Variants in KCNMB2 observed in about 807,000 individuals in gnomAD.
The protein encoded by KCNMB2 is potassium calcium-activated channel subfamily M regulatory beta subunit 2, also known as calcium-activated potassium channel subunit beta-2.
Under a neutral mutation model 24.5 loss-of-function variants are expected in KCNMB2, and 9 were observed. The ratio of observed to expected loss-of-function variants is 0.37; its 90% confidence interval spans 0.22 to 0.64. KCNMB2 has a LOEUF of 0.64. KCNMB2 is among the 30% of genes least tolerant of loss of function. The pLI is 0.63. For synonymous variants in KCNMB2, 109 were observed against 104.4 expected, an observed-to-expected ratio of 1.04 and a Z score of -0.27; for missense variants, 226 against 284.3, an observed-to-expected ratio of 0.79 and a Z score of 1.47.
At chr3:178,696,299 T>C (rs1029214954) in intron 1 of KCNMB2, among the ~76,000 whole-genome samples, 3 of 152,162 alleles carry the variant, frequency 2.0e-5, no homozygotes, top group African/African-American at 7.2e-5. Context: ...AAGATGAGAT[T>C]TGAGTGGGGA....
intron 1 of KCNMB2, among the ~76,000 whole-genome samples, chr3:178,637,659 C>A (rs1328539440): frequency 6.6e-6 from 1 of 152,152 alleles, no homozygotes; most frequent in African/African-American, 2.4e-5. Flanking sequence ...GAAGGTCATA[C>A]AGGGATAGAT....
At chr3:178,820,640 T>C (rs1405714656) in intron 2 of KCNMB2, 2 of 152,686 alleles carry the variant, frequency 1.3e-5, no homozygotes, top group Non-Finnish European at 2.9e-5. Flanking sequence ...TTATGAATTA[T>C]GGGCTGACCC....
intron 1 of KCNMB2, among the ~76,000 whole-genome samples, chr3:178,666,772 A>T (rs950280796): frequency 6.6e-6 from 1 of 152,166 alleles, no homozygotes; most frequent in African/African-American, 2.4e-5. Flanking sequence ...TTGCTGTCCC[A>T]ATTACCACCC....
At chr3:178,640,650 A>G (rs138976011) in intron 1 of KCNMB2, among the ~76,000 whole-genome samples, 2,598 of 152,252 alleles carry the variant, frequency 0.017, 29 homozygotes, top group South Asian at 0.032. Flanking sequence ...TAATTATTTG[A>G]CAACCAAAAA....
At chr3:178,747,621 C>A (rs1275474787) in intron 1 of KCNMB2, among the ~76,000 whole-genome samples, 1 of 152,174 alleles carries the variant, frequency 6.6e-6, no homozygotes, top group Non-Finnish European at 1.5e-5. Flanking sequence ...GAATCTACAT[C>A]CATTTCACTC....
chr3:178,566,778 C>T (rs1716538329), intron 1 of KCNMB2, among the ~76,000 whole-genome samples: 2 of 152,146 alleles, frequency 1.3e-5, no homozygotes, highest in Non-Finnish European at 2.9e-5. Context: ...ATTGATTTTA[C>T]TAAGGATACA....
chr3:178,791,245 T>C (rs1230252503), intron 1 of KCNMB2, among the ~76,000 whole-genome samples: 1 of 152,194 alleles, frequency 6.6e-6, no homozygotes, highest in African/African-American at 2.4e-5. Context: ...GAGAAGGAAT[T>C]CAAAATCCTA....
chr3:178,728,244 G>A (rs748749577), intron 1 of KCNMB2, among the ~76,000 whole-genome samples: 1 of 152,068 alleles, frequency 6.6e-6, no homozygotes, highest in Admixed American at 6.6e-5. Context: ...ATAAAGATGG[G>A]TGGCTTCACC....
chr3:178,569,473 A>C (rs1716692126), intron 1 of KCNMB2, among the ~76,000 whole-genome samples: 1 of 152,198 alleles, frequency 6.6e-6, no homozygotes, highest in Non-Finnish European at 1.5e-5. Flanking sequence ...ATGTAGAAGA[A>C]ACAAAATAAT....
chr3:178,806,064 G>A (rs985051569), intron 1 of KCNMB2, among the ~76,000 whole-genome samples: 15 of 152,178 alleles, frequency 9.9e-5, no homozygotes, highest in African/African-American at 3.6e-4. Context: ...AGGAGTTTGA[G>A]GCTGCAGTGA....
intron 1 of KCNMB2, among the ~76,000 whole-genome samples, chr3:178,585,290 A>G (rs1446958007): frequency 6.6e-6 from 1 of 152,224 alleles, no homozygotes; most frequent in Non-Finnish European, 1.5e-5. Context: ...CACATGATGC[A>G]TGATGAAATT....
At chr3:178,760,507 C>CGTGTGT (rs34063119) in intron 1 of KCNMB2, among the ~76,000 whole-genome samples, 31 of 117,438 alleles carry the variant, frequency 2.6e-4, no homozygotes, top group African/African-American at 9.5e-4. Flanking sequence ...CCAAGAGTTT[C>CGTGTGT]GTGTGTGTGT....
intron 1 of KCNMB2, among the ~76,000 whole-genome samples, chr3:178,720,497 G>C (rs1465998112): frequency 9.1e-6 from 1 of 109,916 alleles, no homozygotes; most frequent in Non-Finnish European, 1.8e-5. Flanking sequence ...TATATACCCA[G>C]TAACGGGATG....
intron 2 of KCNMB2, among the ~76,000 whole-genome samples, chr3:178,822,186 A>G (rs905377797): frequency 3.9e-5 from 6 of 152,230 alleles, no homozygotes; most frequent in Admixed American, 3.3e-4. Context: ...AGTTTCTGAT[A>G]TTCACCATGC....
chr3:178,728,522 C>T (rs973189092), intron 1 of KCNMB2, among the ~76,000 whole-genome samples: 6 of 152,034 alleles, frequency 3.9e-5, no homozygotes, highest in African/African-American at 4.8e-5. Flanking sequence ...ATCACGTGAG[C>T]GCTGTCTGTC....
chr3:178,594,714 A>T (rs1717802644), intron 1 of KCNMB2, among the ~76,000 whole-genome samples: 1 of 152,126 alleles, frequency 6.6e-6, no homozygotes, highest in Non-Finnish European at 1.5e-5. Context: ...AAATTAACTC[A>T]GAAGTTGTCA....
chr3:178,793,823 C>T (rs1713425437), intron 1 of KCNMB2, among the ~76,000 whole-genome samples: 1 of 152,052 alleles, frequency 6.6e-6, no homozygotes, highest in Non-Finnish European at 1.5e-5. Context: ...GAAAACAGCC[C>T]AGAGGACAAA....
chr3:178,553,745 G>A lies in KCNMB2; in HGVS notation c.-68+17034G>A, dbSNP rs138649067. ...AGTAGAGATGGGGTTTCACCATGTT[G>A]GCCAGGCTGTTCTCAAACTCCCAAC... On this transcript the variant is annotated intron_variant, in intron 1 of 4. Transcript: ENST00000452583. 5.3e-5 allele frequency among the ~76,000 whole-genome samples: 8 copies of A among 152,098 alleles called. No individual in the cohort carries two copies. The East Asian group carries it at 1.4e-3, about 26-fold the overall frequency.
intron 1 of KCNMB2, among the ~76,000 whole-genome samples, chr3:178,640,437 C>T (rs1679813827): frequency 6.6e-6 from 1 of 152,144 alleles, no homozygotes; most frequent in Admixed American, 6.5e-5. Context: ...AACTCACTCA[C>T]TATCACAAGA....
Sources: gnomAD v4.1 joint callset for allele counts (sites outside exome capture counted in the v4.1 genomes callset) on GRCh38, gnomAD v4.1.1 for gene constraint, MANE v1.5 for transcripts, NCBI Gene and HGNC (gene_info 2026-07-23, HGNC 2026-07-21) for gene names.